The following ZNF366 variants were observed in gnomAD, a reference collection of about 807,000 sequenced individuals.
ZNF366 encodes the protein zinc finger protein 366, also known as dendritic cell-specific transcript protein.
Under a neutral mutation model 47.2 loss-of-function variants are expected in ZNF366, and 20 were observed. That is an observed-to-expected ratio of 0.42 (90% confidence interval 0.30 to 0.62). The LOEUF (loss-of-function observed/expected upper bound fraction) is 0.62, where lower values mean the gene tolerates loss of function less well. Ranked by LOEUF, ZNF366 falls within the 20% of genes least tolerant of loss-of-function variation. ZNF366 has a pLI of 0.16. For missense variants in ZNF366, 987 were observed against 976.3 expected (o/e 1.01, Z -0.15); for synonymous variants, 421 against 395.1 (o/e 1.07, Z -0.78).
At chr5:72,489,739 G>A (rs1456726192) in intron 1 of ZNF366, among the ~76,000 whole-genome samples, 4 of 152,226 alleles carry the variant, frequency 2.6e-5, no homozygotes, top group Non-Finnish European at 5.9e-5. Flanking sequence ...GCCCCTGAAT[G>A]GAGCAAAGTT....
chr5:72,470,168 G>A (rs759891339), intron 1 of ZNF366, among the ~76,000 whole-genome samples: 4 of 152,118 alleles, frequency 2.6e-5, no homozygotes, highest in Admixed American at 1.3e-4. Context: ...TCATTCTTGG[G>A]CATCATATCC....
At position 72,488,139 on chromosome 5, in the gene ZNF366, CA is replaced by C. The variant is rs111406852; in HGVS notation, c.-15+19111del. Among the ~76,000 whole-genome samples the C allele has an allele frequency of 1.4e-4, 21 of 151,318 alleles. 1 individual carries two copies. The highest frequency in any genetic ancestry group is 4.6e-4 in the African/African-American group (19 of 41,180). The stretch of plus-strand genomic sequence containing the variant: ...GAGAGAATCGCCTGAACCCAGGAGG[CA>C]GAGGTTGAAGTGAGCCAAGATTGCA... On this transcript the variant is annotated intron_variant, in intron 1 of 4. Coordinates refer to ENST00000318442, the MANE Select transcript of ZNF366 (RefSeq NM_152625.3).
Position 72,456,521 on chromosome 5 carries a change from C to T in ZNF366, c.1407G>A (p.Leu469=). 1 of 1,613,928 alleles carries T rather than the reference C, an allele frequency of 6.2e-7. No homozygotes were observed. The highest frequency in any genetic ancestry group is 8.5e-7 in the Non-Finnish European group (1 of 1,179,810). The change falls in exon 3 of 5, where the codon CTG becomes CTA. Residue 469 remains leucine (L), a synonymous_variant. Transcript: ENST00000318442. ...GGTAGGCGCGGATGTTGGTGTGGATCAGCACGTGTCGCTTCATGTTGGCCA... is the reference window on the plus strand; with the variant it reads ...GGTAGGCGCGGATGTTGGTGTGGATTAGCACGTGTCGCTTCATGTTGGCCA... The part of the protein sequence containing the change: ...TLLANMKRHV[L]IHTNIRAYQC...
chr5:72,444,114 T>C lies in ZNF366; in HGVS notation c.1877A>G (p.Tyr626Cys). ...CHEEEEEDNC[Y>C]EVEPYSPGLA... ...GCCAGGGCTGTAGGGCTCCACCTCG[T>C]AGCAGTTATCCTCCTCTTCCTCCTC... is the stretch of plus-strand genomic sequence containing the variant. Residue 626 changes from tyrosine (Y) to cysteine (C), a missense_variant, in exon 5 of 5, where the codon TAC (tyrosine) becomes TGC (cysteine). Transcript: ENST00000318442. 1.2e-6 allele frequency: 2 copies of C among 1,614,000 alleles called. No homozygotes were observed. Among genetic ancestry groups the C allele is most frequent in the Non-Finnish European group, 1.7e-6 (2 of 1,180,024 alleles).
At chr5:72,493,752 C>T (rs1231766344) in intron 1 of ZNF366, 8 of 151,794 alleles carry the variant, frequency 5.3e-5, no homozygotes, top group Admixed American at 3.9e-4. Context: ...TAACATTAAA[C>T]ATTTTTTTTC....
At chr5:72,494,852 G>T (rs1271141134) in intron 1 of ZNF366, among the ~76,000 whole-genome samples, 1 of 152,074 alleles carries the variant, frequency 6.6e-6, no homozygotes, top group East Asian at 1.9e-4. Context: ...TTATGCAATT[G>T]TCCCCATATT....
chr5:72,504,097 G>A (rs540541681), intron 1 of ZNF366, among the ~76,000 whole-genome samples: 81 of 151,444 alleles, frequency 5.3e-4, no homozygotes, highest in Non-Finnish European at 8.4e-4. Flanking sequence ...GCGCACACAC[G>A]CGTGCATGCA....
intron 3 of ZNF366, among the ~76,000 whole-genome samples, chr5:72,450,368 T>C (rs1342608799): frequency 1.3e-5 from 2 of 152,132 alleles, no homozygotes; most frequent in Non-Finnish European, 2.9e-5. Context: ...GAGCGCCTGG[T>C]AAAATGGTGT....
Position 72,440,405 on chromosome 5 carries a change from T to C in ZNF366, c.*3351A>G, listed in dbSNP as rs1477348636. ...AAGAATAAAAAGAATAAAAGAAAAA[T>C]ATGCCACTTTGCTGGTCCATTGATT... On this transcript the variant is annotated 3_prime_UTR_variant, in exon 5 of 5. Transcript: ENST00000318442. The C allele has an allele frequency of 2.0e-5, 3 of 152,044 alleles. No individual in the cohort carries two copies. The highest frequency in any genetic ancestry group is 4.4e-5 in the Non-Finnish European group (3 of 68,002). 9.4% of individuals were successfully genotyped at this position (152,044 alleles called of 1,614,324 possible). A position where few individuals can be genotyped will look rare whatever the true frequency, so the allele number is the denominator to read the frequency against.
At chr5:72,453,604 T>C (rs1017726853) in intron 3 of ZNF366, among the ~76,000 whole-genome samples, 2 of 152,242 alleles carry the variant, frequency 1.3e-5, no homozygotes, top group Non-Finnish European at 2.9e-5. Context: ...CGCCACCATG[T>C]GACCTGGAGC....
intron 1 of ZNF366, among the ~76,000 whole-genome samples, chr5:72,487,975 G>A (rs1467223981): frequency 6.6e-6 from 1 of 152,180 alleles, no homozygotes; most frequent in Non-Finnish European, 1.5e-5. Context: ...GGAAGCTGAA[G>A]TGGGTGGATC....
At chr5:72,495,018 A>G (rs1333898946) in intron 1 of ZNF366, among the ~76,000 whole-genome samples, 3 of 152,100 alleles carry the variant, frequency 2.0e-5, no homozygotes, top group Admixed American at 6.5e-5. Context: ...AATTGACTCC[A>G]GGGGATGGAA....
intron 3 of ZNF366, among the ~76,000 whole-genome samples, chr5:72,449,096 C>T (rs1328160297): frequency 6.6e-6 from 1 of 152,122 alleles, no homozygotes; most frequent in Admixed American, 6.5e-5. Flanking sequence ...TCAAGAAAAG[C>T]AATATGTAAG....
chr5:72,459,892 C>T (rs1412158077), intron 2 of ZNF366, among the ~76,000 whole-genome samples: 3 of 152,210 alleles, frequency 2.0e-5, no homozygotes, highest in African/African-American at 7.2e-5. Flanking sequence ...CATCCTTCCT[C>T]ATCTCCTCTG....
At chr5:72,480,547 C>G (rs1383404565) in intron 1 of ZNF366, among the ~76,000 whole-genome samples, 20 of 152,054 alleles carry the variant, frequency 1.3e-4, no homozygotes. Context: ...CTCTAACTTC[C>G]TTATAAAAGG....
intron 1 of ZNF366, among the ~76,000 whole-genome samples, chr5:72,492,843 G>C (rs1744039443): frequency 6.6e-6 from 1 of 152,162 alleles, no homozygotes; most frequent in African/African-American, 2.4e-5. Flanking sequence ...TATTTCCTCT[G>C]ATGGTTTTTA....
chr5:72,499,627 T>TA (rs760424357), intron 1 of ZNF366, among the ~76,000 whole-genome samples: 2 of 151,838 alleles, frequency 1.3e-5, no homozygotes, highest in African/African-American at 4.8e-5. Context: ...TCTTTGTACT[T>TA]AAAAAAGAAA....
At chr5:72,480,832 C>A (rs1301999230) in intron 1 of ZNF366, among the ~76,000 whole-genome samples, 1 of 152,182 alleles carries the variant, frequency 6.6e-6, no homozygotes, top group Admixed American at 6.5e-5. Flanking sequence ...CCTTTGGGTT[C>A]TCAGAGTAAA....
intron 3 of ZNF366, among the ~76,000 whole-genome samples, chr5:72,453,822 A>G (rs1324027146): frequency 2.0e-5 from 3 of 152,146 alleles, no homozygotes; most frequent in Non-Finnish European, 4.4e-5. Flanking sequence ...GGTGGCTGAC[A>G]CTCATTCTTG....
Sources: gnomAD v4.1 joint callset for allele counts (sites outside exome capture counted in the v4.1 genomes callset) on GRCh38, gnomAD v4.1.1 for gene constraint, MANE v1.5 for transcripts, NCBI Gene and HGNC (gene_info 2026-07-23, HGNC 2026-07-21) for gene names.